ZFHX3: variants seen among roughly 807,000 people sequenced by gnomAD.
ZFHX3 encodes zinc finger homeobox 3, also known as zinc finger homeobox protein 3.
In ZFHX3, 42 loss-of-function variants were observed where a neutral mutation model predicts 279.1. That is an observed-to-expected ratio of 0.15 (90% CI 0.12 to 0.19). The LOEUF is 0.19. ZFHX3 is among the 10% of genes least tolerant of loss of function. The pLI is 1.00. For synonymous variants in ZFHX3, 2,293 were observed against 1,957.8 expected (o/e 1.17, Z -4.52); for missense variants, 4,981 against 4,754.0 (o/e 1.05, Z -1.40).
intron 3 of ZFHX3, among the ~76,000 whole-genome samples, chr16:73,339,259 T>C (rs938333596): frequency 3.3e-5 from 5 of 152,276 alleles, no homozygotes; most frequent in Non-Finnish European, 5.9e-5. Context: ...AACTTTTTCT[T>C]CTTCACCTGC....
chr16:72,989,723 C>T (rs2144565252), intron 1 of ZFHX3, among the ~76,000 whole-genome samples: 1 of 152,310 alleles, frequency 6.6e-6, no homozygotes, highest in Non-Finnish European at 1.5e-5. Context: ...AGATGCAGCA[C>T]ACAGAGTTCT....
intron 5 of ZFHX3, among the ~76,000 whole-genome samples, chr16:73,169,899 G>C (rs945688871): frequency 3.9e-5 from 6 of 152,138 alleles, no homozygotes; most frequent in African/African-American, 1.4e-4. Context: ...AGGTACCCCT[G>C]TTGTAGGTTC....
At chr16:73,147,648 C>T (rs911710607) in intron 5 of ZFHX3, among the ~76,000 whole-genome samples, 2 of 141,488 alleles carry the variant, frequency 1.4e-5, no homozygotes, top group Non-Finnish European at 3.0e-5. Context: ...GCCGAGATCG[C>T]GCCACCGCAC....
Position 73,033,244 on chromosome 16 carries a change from C to T in ZFHX3, c.-50+14508G>A, listed in dbSNP as rs531861506. On this transcript the variant is annotated intron_variant, in intron 1 of 9. Transcript: ENST00000268489. ...CCCACCAATGACCTGGAGAGGAGGA[C>T]AGAAGAGGAACGGCCTTGCAAAGCA... Among the ~76,000 whole-genome samples, 5 of 152,280 alleles carry T rather than the reference C, an allele frequency of 3.3e-5. 1 individual carries two copies. In the East Asian group the frequency reaches 9.7e-4, roughly 29 times the overall value.
intron 2 of ZFHX3, among the ~76,000 whole-genome samples, chr16:73,483,749 CG>C (rs2018916648): frequency 6.6e-6 from 1 of 151,990 alleles, no homozygotes; most frequent in African/African-American, 2.4e-5. Context: ...ATTGTGGATC[CG>C]GAGGGTAACC....
chr16:73,619,581 G>A (rs2052338759), intron 2 of ZFHX3, among the ~76,000 whole-genome samples: 1 of 151,588 alleles, frequency 6.6e-6, no homozygotes, highest in Admixed American at 6.6e-5. Context: ...GAGAGTCAAT[G>A]TTCTTTTAAT....
chr16:73,476,260 T>C (rs2018763840), intron 2 of ZFHX3, among the ~76,000 whole-genome samples: 1 of 152,186 alleles, frequency 6.6e-6, no homozygotes, highest in Non-Finnish European at 1.5e-5. Flanking sequence ...CGTAAAGTTT[T>C]TTTGAGCACT....
At chr16:73,587,965 C>T (rs2051944667) in intron 2 of ZFHX3, among the ~76,000 whole-genome samples, 1 of 152,056 alleles carries the variant, frequency 6.6e-6, no homozygotes, top group Admixed American at 6.5e-5. Context: ...TTTTCAAGTA[C>T]TTATGGAACA....
chr16:73,437,367 C>T (rs2018015435), intron 3 of ZFHX3, among the ~76,000 whole-genome samples: 1 of 152,112 alleles, frequency 6.6e-6, no homozygotes, highest in South Asian at 2.1e-4. Context: ...TACCAATTAA[C>T]TAATTTTAGG....
At chr16:72,808,899 C>T (rs1597259164) in intron 7 of ZFHX3, among the ~76,000 whole-genome samples, 1 of 152,300 alleles carries the variant, frequency 6.6e-6, no homozygotes, top group East Asian at 1.9e-4. Context: ...AAGAATAATA[C>T]AGTATGGCTG....
chr16:73,870,494 C>T (rs747590052), intron 1 of ZFHX3, among the ~76,000 whole-genome samples: 4 of 152,162 alleles, frequency 2.6e-5, no homozygotes, highest in East Asian at 1.9e-4. Context: ...TCCACGTCAA[C>T]GCTCAAAACA....
At chr16:73,443,569 G>A (rs187387564) in intron 3 of ZFHX3, among the ~76,000 whole-genome samples, 34 of 152,266 alleles carry the variant, frequency 2.2e-4, no homozygotes, top group African/African-American at 8.2e-4. Flanking sequence ...TCTTGCTAAT[G>A]GAAGCCAAAG....
chr16:73,162,394 C>G (rs1436549561), intron 5 of ZFHX3, among the ~76,000 whole-genome samples: 1 of 152,202 alleles, frequency 6.6e-6, no homozygotes, highest in Non-Finnish European at 1.5e-5. Context: ...GACTCTTTGG[C>G]TGCAGGAAAA....
chr16:73,729,886 C>T (rs144585046), intron 1 of ZFHX3, among the ~76,000 whole-genome samples: 132 of 152,294 alleles, frequency 8.7e-4, no homozygotes, highest in Non-Finnish European at 1.5e-3. Flanking sequence ...GCCTCAGTAA[C>T]CGTCTCTACC....
At chr16:73,847,590 G>C (rs1399330087) in intron 1 of ZFHX3, among the ~76,000 whole-genome samples, 1 of 152,126 alleles carries the variant, frequency 6.6e-6, no homozygotes. Flanking sequence ...ACTTCAGCAA[G>C]TTATTTAGCC....
chr16:72,832,222 A>AC (rs1032602894), intron 4 of ZFHX3, among the ~76,000 whole-genome samples: 50 of 152,240 alleles, frequency 3.3e-4, no homozygotes, highest in African/African-American at 1.2e-3. Context: ...ACTCACAGTC[A>AC]CCCAACACTG....
At chr16:73,480,507 GTC>G (rs1044921949) in intron 2 of ZFHX3, among the ~76,000 whole-genome samples, 20 of 152,158 alleles carry the variant, frequency 1.3e-4, no homozygotes, top group Non-Finnish European at 2.4e-4. Flanking sequence ...TGGGTGGTAA[GTC>G]TCTGGGAGTC....
At chr16:72,981,097 T>C (rs993525996) in intron 1 of ZFHX3, among the ~76,000 whole-genome samples, 6 of 152,196 alleles carry the variant, frequency 3.9e-5, no homozygotes, top group Non-Finnish European at 7.3e-5. Flanking sequence ...GTTTCTCCTT[T>C]CTTCCGAAGG....
rs200056605 is a variant in ZFHX3 at position 72,959,877 on chromosome 16, C to T, written c.269G>A (p.Ser90Asn). 46 of 1,603,112 alleles carry T rather than the reference C, an allele frequency of 2.9e-5. No individual in the cohort carries two copies. In the East Asian group the frequency reaches 9.9e-4, roughly 34 times the overall value. Residue 90 changes from serine to asparagine, a missense_variant, in exon 2 of 10, where the codon AGC (serine) becomes AAC (asparagine). Transcript: ENST00000268489. The stretch of plus-strand genomic sequence containing the variant: ...GTGGTGCTCCATGTAGGTCTGGAGG[C>T]TGGCAAAGGAGGCCGAACATTCGTT... ...TCNECSASFA[S>N]LQTYMEHHCP...
Sources: allele counts gnomAD v4.1 joint callset (sites outside exome capture counted in the v4.1 genomes callset), GRCh38; gene constraint gnomAD v4.1.1; transcripts MANE v1.5; gene names NCBI Gene and HGNC (gene_info 2026-07-23, HGNC 2026-07-21).